The following PRKCI variants were observed in gnomAD, a reference collection of about 807,000 sequenced individuals.
PRKCI encodes protein kinase C iota.
Under a neutral mutation model 84.0 loss-of-function variants are expected in PRKCI, and 43 were observed. The observed-to-expected ratio is 0.51, with a 90% CI of 0.40 to 0.66. The LOEUF is 0.66. Ranked by LOEUF, PRKCI falls within the 30% of genes least tolerant of loss-of-function variation. PRKCI has a pLI of 0.00. For synonymous variants in PRKCI, 216 were observed against 234.4 expected, an observed-to-expected ratio of 0.92 and a Z score of 0.72; for missense variants, 459 against 745.6, an observed-to-expected ratio of 0.62 and a Z score of 4.48.
rs750420887 is a variant in PRKCI, at chr3:170,270,422, G to A, written c.452G>A (p.Arg151His). Reference sequence around the variant, plus strand: ...ATATTGTTGAATTACTCTTTTCAGCGTGCTCACTGTGCCATCTGCACAGAC... The same window carrying A: ...ATATTGTTGAATTACTCTTTTCAGCATGCTCACTGTGCCATCTGCACAGAC... ...HTFQAKRFNRRAHCAICTDRI... is the reference protein window; with the variant it reads ...HTFQAKRFNRHAHCAICTDRI... Residue 151 changes from arginine to histidine, a missense_variant and splice_region_variant, in exon 6 of 18, where the codon CGT becomes CAT. Coordinates refer to ENST00000295797, the MANE Select transcript of PRKCI (RefSeq NM_002740.6). The A allele has an allele frequency of 2.5e-6, 4 of 1,599,884 alleles. No individual in the cohort carries two copies. The highest frequency in any genetic ancestry group is 3.4e-6 in the Non-Finnish European group (4 of 1,171,702).
At chr3:170,231,015 A>T (rs1312640249) in intron 1 of PRKCI, among the ~76,000 whole-genome samples, 1 of 143,654 alleles carries the variant, frequency 7.0e-6, no homozygotes, top group East Asian at 2.0e-4. Flanking sequence ...GCTGGAGCGC[A>T]GTGGCGTGAT....
intron 14 of PRKCI, among the ~76,000 whole-genome samples, chr3:170,294,584 C>G (rs114206861): frequency 0.015 from 2,355 of 152,320 alleles, 41 homozygotes; most frequent in East Asian, 0.085. Flanking sequence ...GGAATGAAAA[C>G]TGACACAACA....
At chr3:170,231,431 CTCT>C (rs1224136118) in intron 1 of PRKCI, among the ~76,000 whole-genome samples, 2 of 151,368 alleles carry the variant, frequency 1.3e-5, no homozygotes, top group African/African-American at 4.9e-5. Flanking sequence ...GCAATTTTGC[CTCT>C]TCTTTTCTAT....
chr3:170,257,016 C>A (rs904761310), intron 2 of PRKCI, among the ~76,000 whole-genome samples: 7 of 151,872 alleles, frequency 4.6e-5, no homozygotes, highest in Non-Finnish European at 1.0e-4. Flanking sequence ...AGTTTTGTTC[C>A]ATTGTGGTCA....
At chr3:170,298,522 C>T (rs1227385350) in intron 16 of PRKCI, among the ~76,000 whole-genome samples, 1 of 151,612 alleles carries the variant, frequency 6.6e-6, no homozygotes, top group Non-Finnish European at 1.5e-5. Flanking sequence ...TCTCCTGTCT[C>T]AGCCTCCAGA....
chr3:170,234,771 G>A (rs905336824), intron 1 of PRKCI, among the ~76,000 whole-genome samples: 39 of 151,942 alleles, frequency 2.6e-4, no homozygotes, highest in African/African-American at 8.7e-4. Flanking sequence ...TTATGCAAGT[G>A]TGTATATATG....
At chr3:170,226,767 A>G (rs142679415) in intron 1 of PRKCI, among the ~76,000 whole-genome samples, 30 of 152,292 alleles carry the variant, frequency 2.0e-4, no homozygotes, top group African/African-American at 7.2e-4. Context: ...GTTCTGAGGA[A>G]ATACAAGTGG....
chr3:170,272,887 A>G (rs1034916977), intron 6 of PRKCI, among the ~76,000 whole-genome samples: 8 of 152,184 alleles, frequency 5.3e-5, no homozygotes, highest in African/African-American at 1.9e-4. Context: ...TTTTACATGT[A>G]ATTTTAAGAG....
At chr3:170,239,263 C>T (rs934521524) in intron 2 of PRKCI, among the ~76,000 whole-genome samples, 1 of 152,036 alleles carries the variant, frequency 6.6e-6, no homozygotes, top group Non-Finnish European at 1.5e-5. Context: ...TCTTTTTGAC[C>T]TACCCTATCA....
chr3:170,243,955 G>A (rs1733205945), intron 2 of PRKCI, among the ~76,000 whole-genome samples: 1 of 152,202 alleles, frequency 6.6e-6, no homozygotes, highest in Non-Finnish European at 1.5e-5. Context: ...GAAACCCTTG[G>A]CAGTGGTGGA....
intron 17 of PRKCI, among the ~76,000 whole-genome samples, chr3:170,299,379 C>T (rs112665868): frequency 7.7e-4 from 118 of 152,280 alleles, no homozygotes; most frequent in African/African-American, 2.7e-3. Flanking sequence ...AGGCGCGTGC[C>T]GCCACGCCCA....
intron 2 of PRKCI, among the ~76,000 whole-genome samples, chr3:170,240,260 T>G (rs1733094047): frequency 6.6e-6 from 1 of 152,194 alleles, no homozygotes. Context: ...TATTGGAGAC[T>G]TAAGCATTGA....
chr3:170,231,191 C>T (rs1029674250), intron 1 of PRKCI, among the ~76,000 whole-genome samples: 23 of 151,892 alleles, frequency 1.5e-4, no homozygotes, highest in African/African-American at 5.3e-4. Context: ...GAACTCCTTA[C>T]CTCAGGTGAT....
intron 11 of PRKCI, among the ~76,000 whole-genome samples, chr3:170,283,902 G>A (rs578185579): frequency 6.6e-6 from 1 of 152,272 alleles, no homozygotes; most frequent in South Asian, 2.1e-4. Context: ...TGAGTTGGTA[G>A]CAGTTTTTTT....
rs182359536 is a variant in PRKCI at position 170,256,219 on chromosome 3, C to T, written c.224-3750C>T. On this transcript the variant is annotated intron_variant, in intron 2 of 17. Transcript: ENST00000295797. ...GTCTTAGAATGAGTTTGAAACTATT[C>T]CCTCCTCCTCCATATTTTGGAATAT... 5.3e-5 allele frequency among the ~76,000 whole-genome samples: 8 copies of T among 152,222 alleles called. No homozygotes were observed. The East Asian group carries it at 1.5e-3, about 29-fold the overall frequency.
At chr3:170,259,351 A>G (rs1174652760) in intron 2 of PRKCI, among the ~76,000 whole-genome samples, 1 of 152,004 alleles carries the variant, frequency 6.6e-6, no homozygotes, top group Admixed American at 6.6e-5. Context: ...GCCTTGAGTG[A>G]CAGAGTGAGA....
intron 9 of PRKCI, 24 bp downstream of exon 9, chr3:170,280,427 T>C (rs745612861): frequency 6.4e-7 from 1 of 1,567,678 alleles, no homozygotes; most frequent in East Asian, 2.3e-5. Flanking sequence ...ATTTTATTGC[T>C]TCTAAACTGC....
chr3:170,259,921 C>T, intron 2 of PRKCI, 48 bp from the exon 3 acceptor site: 2 of 1,140,314 alleles, frequency 1.8e-6, no homozygotes, highest in South Asian at 3.0e-5. Context: ...GTAATCATCA[C>T]ATTTAGGGGT....
At chr3:170,237,214 G>C (rs1432469228) in intron 2 of PRKCI, among the ~76,000 whole-genome samples, 1 of 152,232 alleles carries the variant, frequency 6.6e-6, no homozygotes, top group Admixed American at 6.5e-5. Context: ...GAAGTATGAA[G>C]TGGTGAAGTA....
Sources: gnomAD v4.1 joint callset for allele counts (sites outside exome capture counted in the v4.1 genomes callset) on GRCh38, gnomAD v4.1.1 for gene constraint, MANE v1.5 for transcripts, NCBI Gene and HGNC (gene_info 2026-07-23, HGNC 2026-07-21) for gene names.